SPINK14: variants seen among roughly 807,000 people sequenced by gnomAD.
SPINK14 encodes serine protease inhibitor Kazal-type 14.
In SPINK14, 6 loss-of-function variants were observed where a neutral mutation model predicts 14.2. The observed-to-expected ratio is 0.42, with a 90% CI of 0.23 to 0.83. The LOEUF (loss-of-function observed/expected upper bound fraction) is 0.83. SPINK14 is among the 40% of genes least tolerant of loss of function. The probability of loss-of-function intolerance (pLI) is 0.28; values close to 1 mark genes in which losing one functional copy is unlikely to be tolerated. For missense variants in SPINK14, 86 were observed against 108.3 expected (o/e 0.79, Z 0.91); for synonymous variants, 34 against 36.8 (o/e 0.92, Z 0.27).
chr5:148,169,872 A>G (rs1755077591), intron 2 of SPINK14, 73 bp downstream of exon 2: 2 of 1,218,620 alleles, frequency 1.6e-6, no homozygotes, highest in Non-Finnish European at 2.3e-6. Flanking sequence ...TCTGAGAGAG[A>G]ATGCTTTGAA....
Position 148,174,273 on chromosome 5 carries a change from A to G in SPINK14, c.151A>G (p.Asn51Asp), listed in dbSNP as rs145812174. 2.7e-6 allele frequency: 3 copies of G among 1,114,400 alleles called. 1 individual carries two copies. The highest frequency in any genetic ancestry group is 3.7e-6 in the Non-Finnish European group (3 of 811,042). 69.0% of individuals were successfully genotyped at this position (1,114,400 alleles called of 1,614,324 possible). ...PYEKVNLSWY[N>D]GTVNPCPGLY... Reference sequence around the variant, plus strand: ...TGAGAAAGTAAACTTGAGCTGGTACAATGGAACGGTCAACCCCTGCCCTGG... The same window carrying G: ...TGAGAAAGTAAACTTGAGCTGGTACGATGGAACGGTCAACCCCTGCCCTGG... Residue 51 changes from asparagine to aspartate, a missense_variant, in exon 4 of 5, where the codon AAT (asparagine) becomes GAT (aspartate). Transcript: ENST00000356972.
intron 3 of SPINK14, among the ~76,000 whole-genome samples, chr5:148,171,941 G>A (rs367720921): frequency 2.4e-4 from 37 of 152,096 alleles, no homozygotes; most frequent in South Asian, 2.1e-3. Flanking sequence ...TAATAAATGC[G>A]CTCACTTTTA....
intron 3 of SPINK14, among the ~76,000 whole-genome samples, chr5:148,173,384 G>A (rs1486558293): frequency 6.6e-6 from 1 of 152,056 alleles, no homozygotes; most frequent in Non-Finnish European, 1.5e-5. Flanking sequence ...GGTCCCTGAG[G>A]AGACATGTCC....
chr5:148,170,173 T>TATGCAC (rs1554109827), intron 2 of SPINK14, among the ~76,000 whole-genome samples: 1 of 133,848 alleles, frequency 7.5e-6, no homozygotes, highest in Admixed American at 7.7e-5. Context: ...TATATATATA[T>TATGCAC]ACACACACAC....
rs371750005 is a variant in SPINK14, at chr5:148,168,571, G to T, written c.-73+4G>T. 2.0e-4 allele frequency among the ~76,000 whole-genome samples: 30 copies of T among 152,166 alleles called. No individual in the cohort carries two copies. In the South Asian group the frequency reaches 6.0e-3, roughly 31 times the overall value. On this transcript the variant is annotated splice_donor_region_variant and intron_variant, in intron 1 of 4. Coordinates refer to ENST00000356972, the MANE Select transcript of SPINK14 (RefSeq NM_001001325.2). Reference sequence around the variant, plus strand: ...TTCCTTTTCTCTTCTTTCTGAGGTGGGTCAGCTGTGACATGAGGGATGGAG... The same window carrying T: ...TTCCTTTTCTCTTCTTTCTGAGGTGTGTCAGCTGTGACATGAGGGATGGAG...
intron 4 of SPINK14, 100 bp from the exon 5 acceptor site, chr5:148,175,253 C>T: frequency 2.5e-6 from 2 of 787,934 alleles, no homozygotes; most frequent in South Asian, 1.7e-5. Flanking sequence ...TTAGTTTTTC[C>T]AAATATAAAA....
At chr5:148,170,173 TAC>T (rs376416343) in intron 2 of SPINK14, among the ~76,000 whole-genome samples, 123 of 133,806 alleles carry the variant, frequency 9.2e-4, no homozygotes, top group African/African-American at 2.4e-3. Flanking sequence ...TATATATATA[TAC>T]ACACACACAC....
intron 3 of SPINK14, among the ~76,000 whole-genome samples, chr5:148,173,458 A>G (rs545797495): frequency 7.2e-4 from 109 of 152,076 alleles, no homozygotes; most frequent in African/African-American, 2.5e-3. Context: ...CTTGCACTTT[A>G]CAACTTTGAA....
At chr5:148,170,661 C>T (rs374741875) in intron 2 of SPINK14, among the ~76,000 whole-genome samples, 5 of 152,060 alleles carry the variant, frequency 3.3e-5, no homozygotes, top group Admixed American at 6.6e-5. Context: ...CTCTCAAGTC[C>T]AAGCTAATTA....
chr5:148,171,152 T>G (rs1487012378), intron 3 of SPINK14, among the ~76,000 whole-genome samples, 179 bp downstream of exon 3: 1 of 152,114 alleles, frequency 6.6e-6, no homozygotes, highest in Non-Finnish European at 1.5e-5. Context: ...GATCCAAACT[T>G]GGAACCCAGA....
At chr5:148,173,616 T>C (rs1432107713) in intron 3 of SPINK14, among the ~76,000 whole-genome samples, 1 of 97,002 alleles carries the variant, frequency 1.0e-5, no homozygotes, top group Admixed American at 9.5e-5. Flanking sequence ...ATCTAATAAT[T>C]GGGGCATAAA....
chr5:148,168,771 T>G (rs1260251352), intron 1 of SPINK14, among the ~76,000 whole-genome samples: 1 of 152,106 alleles, frequency 6.6e-6, no homozygotes. Context: ...CCTTTCATAG[T>G]GTACAAAGAA....
chr5:148,175,176 A>G (rs191328217), intron 4 of SPINK14, among the ~76,000 whole-genome samples, 177 bp from the exon 5 acceptor site: 1 of 120,640 alleles, frequency 8.3e-6, no homozygotes, highest in East Asian at 2.2e-4. Flanking sequence ...TCAAGGAATG[A>G]TAACTAGGTA....
chr5:148,170,922 T>A lies in SPINK14; in HGVS notation c.68-8T>A. 6.2e-7 allele frequency: 1 copy of A among 1,609,702 alleles called. No individual in the cohort carries two copies. Among genetic ancestry groups the A allele is most frequent in the Non-Finnish European group, 8.5e-7 (1 of 1,176,468 alleles). On this transcript the variant is annotated splice_polypyrimidine_tract_variant and splice_region_variant and intron_variant, in intron 2 of 4. Coordinates refer to ENST00000356972, the MANE Select transcript of SPINK14 (RefSeq NM_001001325.2). ...TAAATTCTGTAACTATTTTCATGTA[T>A]TCTCTAGTTTCAGGCCCTAGACACT... is the stretch of plus-strand genomic sequence containing the variant.
At chr5:148,172,971 T>A (rs1369824079) in intron 3 of SPINK14, among the ~76,000 whole-genome samples, 2 of 152,066 alleles carry the variant, frequency 1.3e-5, no homozygotes, top group African/African-American at 4.8e-5. Context: ...AATACTTTTT[T>A]ATAATGTGCA....
At chr5:148,171,718 G>A (rs1755107704) in intron 3 of SPINK14, among the ~76,000 whole-genome samples, 1 of 151,996 alleles carries the variant, frequency 6.6e-6, no homozygotes, top group Non-Finnish European at 1.5e-5. Context: ...GTCATGAGTT[G>A]ACTGCTGAGA....
intron 3 of SPINK14, among the ~76,000 whole-genome samples, chr5:148,173,505 A>G (rs1294367951): frequency 9.8e-6 from 1 of 101,528 alleles, no homozygotes; most frequent in Non-Finnish European, 2.2e-5. Context: ...AGTGAAAAAA[A>G]AGTGATAAAT....
At chr5:148,175,254 A>C (rs1403036765) in intron 4 of SPINK14, 99 bp from the exon 5 acceptor site, 32 of 798,234 alleles carry the variant, frequency 4.0e-5, no homozygotes, top group Non-Finnish European at 6.2e-5. Flanking sequence ...TAGTTTTTCC[A>C]AATATAAAAC....
intron 4 of SPINK14, among the ~76,000 whole-genome samples, 158 bp downstream of exon 4, chr5:148,174,528 T>C (rs578247022): frequency 1.0e-5 from 1 of 97,750 alleles, no homozygotes; most frequent in Admixed American, 9.4e-5. Flanking sequence ...CACATAGTAA[T>C]TGAAAGTCCA....
Sources: allele counts gnomAD v4.1 joint callset (sites outside exome capture counted in the v4.1 genomes callset), GRCh38; gene constraint gnomAD v4.1.1; transcripts MANE v1.5; gene names NCBI Gene and HGNC (gene_info 2026-07-23, HGNC 2026-07-21).